The following IGSF10 variants were observed in gnomAD, a reference collection of about 807,000 sequenced individuals.
The protein encoded by IGSF10 is calvaria mechanical force protein 608.
A neutral mutation model predicts 128.2 loss-of-function variants in IGSF10; 126 were observed. The ratio of observed to expected loss-of-function variants is 0.98; its 90% confidence interval spans 0.85 to 1.14. The LOEUF is 1.14. Among genes scored for constraint, IGSF10 ranks in the 50% most tolerant of loss-of-function variants. The pLI is 0.00. For missense variants in IGSF10, 3,295 were observed against 3,149.8 expected, an observed-to-expected ratio of 1.05 and a Z score of -1.10; for synonymous variants, 1,185 against 1,146.2, an observed-to-expected ratio of 1.03 and a Z score of -0.68.
the IGSF10 span, among the ~76,000 whole-genome samples, chr3:151,502,214 T>C: frequency 6.6e-6 from 1 of 152,100 alleles, no homozygotes; most frequent in African/African-American, 2.4e-5. Flanking sequence ...TATCTTTTTT[T>C]TTCATTATGT....
the IGSF10 span, among the ~76,000 whole-genome samples, chr3:151,569,860 T>A: frequency 6.6e-6 from 1 of 152,142 alleles, no homozygotes; most frequent in Non-Finnish European, 1.5e-5. Flanking sequence ...ATTAGGTATT[T>A]CTCCTAATGC....
At chr3:151,615,870 T>C in the IGSF10 span, among the ~76,000 whole-genome samples, 1 of 152,132 alleles carries the variant, frequency 6.6e-6, no homozygotes, top group African/African-American at 2.4e-5. Context: ...CTGTGACAAC[T>C]TGGAGTTATG....
At chr3:151,586,108 T>C in the IGSF10 span, among the ~76,000 whole-genome samples, 1 of 151,174 alleles carries the variant, frequency 6.6e-6, no homozygotes, top group African/African-American at 2.4e-5. Flanking sequence ...GACTCCCGAG[T>C]TGCCACCACG....
the IGSF10 span, among the ~76,000 whole-genome samples, chr3:151,527,419 G>A: frequency 1.2e-4 from 18 of 152,202 alleles, no homozygotes; most frequent in African/African-American, 3.4e-4. Flanking sequence ...CTGAAGAGTC[G>A]ATAATGGATT....
chr3:151,583,479 G>C, the IGSF10 span, among the ~76,000 whole-genome samples: 16 of 152,184 alleles, frequency 1.1e-4, no homozygotes, highest in Admixed American at 5.9e-4. Flanking sequence ...CACAAGGATA[G>C]AAAACCAAAC....
chr3:151,599,430 CT>C, the IGSF10 span, among the ~76,000 whole-genome samples: 1 of 152,124 alleles, frequency 6.6e-6, no homozygotes, highest in Non-Finnish European at 1.5e-5. Context: ...AACATTAGAG[CT>C]TAGCAATATC....
At chr3:151,510,778 T>A in the IGSF10 span, among the ~76,000 whole-genome samples, 2 of 152,118 alleles carry the variant, frequency 1.3e-5, no homozygotes, top group African/African-American at 2.4e-5. Flanking sequence ...AAGGACCTGA[T>A]GGAGCTGAAA....
the IGSF10 span, among the ~76,000 whole-genome samples, chr3:151,522,008 G>C: frequency 0.32 from 47,934 of 151,682 alleles, 8,087 homozygotes; most frequent in Middle Eastern, 0.44. Context: ...TAGAAATGAT[G>C]AAGGGAATGT....
At position 151,460,870 on chromosome 3, in the gene IGSF10, G is replaced by A. The variant is rs575410451; in HGVS notation, c.-89+76C>T. On this transcript the variant is annotated intron_variant, in intron 1 of 7. Coordinates refer to ENST00000282466, the MANE Select transcript of IGSF10 (RefSeq NM_178822.5). ...GCCCGCTTCTGCAGCCACGGTACTC[G>A]CTCCATTCCCACGCCAAGCCCCAGC... The A allele has an allele frequency of 4.0e-5, 38 of 944,404 alleles. No individual in the cohort carries two copies. In the East Asian group the frequency reaches 3.4e-3, roughly 84 times the overall value. 58.5% of individuals were successfully genotyped at this position (944,404 alleles called of 1,614,324 possible). A position where few individuals can be genotyped will look rare whatever the true frequency, so the allele number is the denominator to read the frequency against.
the IGSF10 span, among the ~76,000 whole-genome samples, chr3:151,617,565 A>G: frequency 1.3e-4 from 20 of 152,188 alleles, no homozygotes; most frequent in African/African-American, 4.8e-4. Context: ...AGTATCACCC[A>G]TATCTGATGC....
chr3:151,468,498 G>A, the IGSF10 span, among the ~76,000 whole-genome samples: 2 of 152,160 alleles, frequency 1.3e-5, no homozygotes, highest in Non-Finnish European at 2.9e-5. Flanking sequence ...TCCACTAGAG[G>A]GAGCCCAAGA....
chr3:151,505,124 G>A, the IGSF10 span, among the ~76,000 whole-genome samples: 1 of 152,096 alleles, frequency 6.6e-6, no homozygotes, highest in Non-Finnish European at 1.5e-5. Context: ...TACTTTATTA[G>A]TTCGTTCTCA....
chr3:151,474,744 T>C, the IGSF10 span, among the ~76,000 whole-genome samples: 4 of 152,212 alleles, frequency 2.6e-5, no homozygotes, highest in African/African-American at 9.7e-5. Flanking sequence ...CTTACAGTTC[T>C]ACATGGCTGG....
the IGSF10 span, among the ~76,000 whole-genome samples, chr3:151,478,167 A>G: frequency 6.6e-6 from 1 of 152,174 alleles, no homozygotes; most frequent in Non-Finnish European, 1.5e-5. Flanking sequence ...GTGGCAAAAC[A>G]AAACAAACAA....
At chr3:151,528,010 G>A in the IGSF10 span, among the ~76,000 whole-genome samples, 1 of 152,116 alleles carries the variant, frequency 6.6e-6, no homozygotes, top group Admixed American at 6.6e-5. Flanking sequence ...ATAGCTGCAT[G>A]ACCTGAGCAA....
rs375217192 is a variant in IGSF10, at chr3:151,458,646, C to T, written c.64G>A (p.Ala22Thr). Residue 22 changes from alanine (A) to threonine (T), a missense_variant, in exon 3 of 8, where the codon GCC becomes ACC. Ala to Thr is a moderately conservative substitution (Grantham distance 58, BLOSUM62 0). Transcript: ENST00000282466. ...LVSFAVICLV[A>T]TPGGKACPRR... ...GGACAGGCCTTGCCCCCAGGGGTGG[C>T]GACCAGGCAGATCACAGCAAAGGAG... 8.1e-5 allele frequency: 131 copies of T among 1,614,148 alleles called. 2 individuals carry two copies. Among genetic ancestry groups the T allele is most frequent in the South Asian group, 7.8e-4 (71 of 91,080 alleles).
chr3:151,484,934 A>C, the IGSF10 span, among the ~76,000 whole-genome samples: 82 of 152,210 alleles, frequency 5.4e-4, 1 homozygote, highest in African/African-American at 1.9e-3. Flanking sequence ...CAAGGGAACA[A>C]AACTGGATGG....
chr3:151,436,460 G>T lies in IGSF10; in HGVS notation c.*229C>A. ...CAATGTTTGTTTATTGTTATTTGTTGGCAAAATAAAAGTGCCTTAAGTTAA... is the reference window on the plus strand; with the variant it reads ...CAATGTTTGTTTATTGTTATTTGTTTGCAAAATAAAAGTGCCTTAAGTTAA... On this transcript the variant is annotated 3_prime_UTR_variant, in exon 8 of 8. Coordinates refer to ENST00000282466, the MANE Select transcript of IGSF10 (RefSeq NM_178822.5). 1 of 396,024 alleles carries T rather than the reference G, an allele frequency of 2.5e-6. No homozygotes were observed. Among genetic ancestry groups the T allele is most frequent in the South Asian group, 4.7e-5 (1 of 21,444 alleles). The allele number at this position is 396,024 out of a possible 1,614,324, so 24.5% of individuals were successfully genotyped here.
the IGSF10 span, among the ~76,000 whole-genome samples, chr3:151,495,614 G>T: frequency 6.6e-6 from 1 of 151,828 alleles, no homozygotes; most frequent in African/African-American, 2.4e-5. Flanking sequence ...CTAATAACAA[G>T]CATCCCAAAT....
Sources: allele counts gnomAD v4.1 joint callset (sites outside exome capture counted in the v4.1 genomes callset), GRCh38; gene constraint gnomAD v4.1.1; transcripts MANE v1.5; gene names NCBI Gene and HGNC (gene_info 2026-07-23, HGNC 2026-07-21).